Variants in MALRD1 observed in about 807,000 individuals in gnomAD.
MALRD1 encodes the protein MAM and LDL-receptor class A domain-containing protein 1.
In MALRD1, 247 loss-of-function variants were observed where a neutral mutation model predicts 242.1. That is an observed-to-expected ratio of 1.02 (90% CI 0.92 to 1.13). MALRD1 has a LOEUF of 1.13. Ranked by LOEUF, MALRD1 falls within the 50% of genes most tolerant of loss-of-function variation. The pLI, the probability that MALRD1 is intolerant of heterozygous loss-of-function variation, is 0.00. For missense variants in MALRD1, 2,989 were observed against 2,533.1 expected (o/e 1.18, Z -3.86); for synonymous variants, 995 against 866.6 (o/e 1.15, Z -2.60).
chr10:19,302,808 ATATT>A (rs1842009798), intron 21 of MALRD1, among the ~76,000 whole-genome samples: 1 of 151,782 alleles, frequency 6.6e-6, no homozygotes, highest in African/African-American at 2.4e-5. Context: ...AAGGAGGTAA[ATATT>A]CAATAGGTGA....
chr10:19,575,433 G>C (rs1172639521), intron 33 of MALRD1, among the ~76,000 whole-genome samples: 1 of 151,684 alleles, frequency 6.6e-6, no homozygotes, highest in Non-Finnish European at 1.5e-5. Flanking sequence ...AGGTTCAACA[G>C]CACCACCTCC....
At position 19,578,838 on chromosome 10, in the gene MALRD1, G is replaced by A. The variant is rs916589913; in HGVS notation, c.5680+11135G>A. Among the ~76,000 whole-genome samples the A allele has an allele frequency of 4.6e-5, 7 of 151,846 alleles. No homozygotes were observed. The South Asian group carries it at 6.2e-4, about 14-fold the overall frequency. ...CTCATGTTATGCTGGTGACATGTGCGCCCTGTCGGTTTCCATATATACATC... is the reference window on the plus strand; with the variant it reads ...CTCATGTTATGCTGGTGACATGTGCACCCTGTCGGTTTCCATATATACATC... On this transcript the variant is annotated intron_variant, in intron 33 of 39. Transcript: ENST00000454679.
At chr10:19,054,111 A>T (rs936286050) in intron 1 of MALRD1, among the ~76,000 whole-genome samples, 11 of 152,248 alleles carry the variant, frequency 7.2e-5, no homozygotes, top group East Asian at 3.9e-4. Flanking sequence ...TAATTTTTTT[A>T]AAAAAATTTT....
chr10:19,501,663 TACATA>T (rs1837977763), intron 31 of MALRD1, among the ~76,000 whole-genome samples: 1 of 152,202 alleles, frequency 6.6e-6, no homozygotes, highest in Admixed American at 6.5e-5. Context: ...GATAAAAGGA[TACATA>T]CTTGTTTATT....
At chr10:19,251,027 C>T (rs944492511) in intron 18 of MALRD1, among the ~76,000 whole-genome samples, 3 of 151,854 alleles carry the variant, frequency 2.0e-5, no homozygotes, top group Non-Finnish European at 4.4e-5. Flanking sequence ...TGTGGGCAAG[C>T]GGCAGGTGGG....
chr10:19,171,457 TACACAC>T (rs60515694), intron 13 of MALRD1, among the ~76,000 whole-genome samples: 17 of 74,490 alleles, frequency 2.3e-4, no homozygotes, highest in East Asian at 1.1e-3. Flanking sequence ...TATATATATA[TACACAC>T]ATGTATATAC....
intron 19 of MALRD1, among the ~76,000 whole-genome samples, chr10:19,275,663 T>C (rs1840481525): frequency 2.6e-5 from 4 of 152,000 alleles, no homozygotes; most frequent in East Asian, 3.9e-4. Context: ...AGCGAGACTC[T>C]GTCTCAAAAA....
intron 32 of MALRD1, among the ~76,000 whole-genome samples, chr10:19,551,783 G>A (rs1835481345): frequency 1.3e-5 from 2 of 152,070 alleles, no homozygotes; most frequent in African/African-American, 2.4e-5. Flanking sequence ...CTAGTTTATT[G>A]AGAGTTTTTA....
chr10:19,083,053 A>G (rs1176282247), intron 2 of MALRD1, among the ~76,000 whole-genome samples: 3 of 151,980 alleles, frequency 2.0e-5, no homozygotes, highest in Non-Finnish European at 4.4e-5. Context: ...TTCTTTTATA[A>G]AGGAGTTAAA....
At chr10:19,562,370 T>C (rs1326161248) in intron 32 of MALRD1, among the ~76,000 whole-genome samples, 2 of 152,050 alleles carry the variant, frequency 1.3e-5, no homozygotes, top group African/African-American at 4.8e-5. Flanking sequence ...TCTAGATAGA[T>C]AGAGAACTTG....
At chr10:19,238,250 A>G (rs1372309529) in intron 18 of MALRD1, among the ~76,000 whole-genome samples, 2 of 64,672 alleles carry the variant, frequency 3.1e-5, no homozygotes, top group African/African-American at 6.3e-5. Context: ...AATATGTAAT[A>G]TACATAATAT....
intron 21 of MALRD1, among the ~76,000 whole-genome samples, chr10:19,320,325 G>A (rs1426576496): frequency 2.0e-5 from 3 of 151,826 alleles, no homozygotes; most frequent in African/African-American, 7.3e-5. Context: ...GCAGCGTTTG[G>A]TTTTCTGTTC....
At position 19,400,806 on chromosome 10, in the gene MALRD1, A is replaced by T. The variant is rs147789865; in HGVS notation, c.4845+11197A>T. Among the ~76,000 whole-genome samples, 508 of 152,282 alleles carry T rather than the reference A, an allele frequency of 3.3e-3. 4 individuals carry two copies. Among genetic ancestry groups the T allele is most frequent in the African/African-American group, 0.012 (491 of 41,570 alleles). On this transcript the variant is annotated intron_variant, in intron 28 of 39. Transcript: ENST00000454679. ...CAAGGCAGGCAGATCACTTGAGGTG[A>T]GAAGTTTGAGACCAGCCTGGTCAAT... is the stretch of plus-strand genomic sequence containing the variant.
intron 26 of MALRD1, among the ~76,000 whole-genome samples, chr10:19,363,222 T>G (rs1844970206): frequency 6.6e-6 from 1 of 152,018 alleles, no homozygotes; most frequent in African/African-American, 2.4e-5. Flanking sequence ...ATTTATTCCT[T>G]GAAGAATGAA....
chr10:19,456,382 C>T (rs1835649757), intron 29 of MALRD1, among the ~76,000 whole-genome samples: 2 of 152,026 alleles, frequency 1.3e-5, no homozygotes, highest in Non-Finnish European at 2.9e-5. Flanking sequence ...GTATGTATGA[C>T]TCCTGAGTGT....
chr10:19,085,511 GA>G (rs892807818), intron 2 of MALRD1, among the ~76,000 whole-genome samples: 1 of 151,862 alleles, frequency 6.6e-6, no homozygotes, highest in Non-Finnish European at 1.5e-5. Flanking sequence ...TTTATTACTA[GA>G]AAAAATGTCA....
chr10:19,486,964 T>C (rs1837263238), intron 29 of MALRD1, among the ~76,000 whole-genome samples: 2 of 152,276 alleles, frequency 1.3e-5, no homozygotes, highest in South Asian at 4.1e-4. Flanking sequence ...TAAATTTTCT[T>C]TTCTTATGGC....
intron 24 of MALRD1, among the ~76,000 whole-genome samples, chr10:19,333,136 T>G (rs1238140415): frequency 7.2e-6 from 1 of 139,550 alleles, no homozygotes. Context: ...ACACCACTTC[T>G]TTTTAAAAAA....
chr10:19,378,374 C>CTA (rs1357001890), intron 26 of MALRD1, among the ~76,000 whole-genome samples: 3 of 152,134 alleles, frequency 2.0e-5, no homozygotes, highest in Non-Finnish European at 4.4e-5. Flanking sequence ...AAAACCCCTT[C>CTA]TATACCACTG....
Sources: allele counts gnomAD v4.1 joint callset (sites outside exome capture counted in the v4.1 genomes callset), GRCh38; gene constraint gnomAD v4.1.1; transcripts MANE v1.5; gene names NCBI Gene and HGNC (gene_info 2026-07-23, HGNC 2026-07-21).